The following DST variants were observed in gnomAD, a reference collection of about 807,000 sequenced individuals.
DST encodes the protein dystonin.
Under a neutral mutation model 875.2 loss-of-function variants are expected in DST, and 253 were observed. That is an observed-to-expected ratio of 0.29 (90% confidence interval 0.26 to 0.32). The LOEUF (loss-of-function observed/expected upper bound fraction) is 0.32. Ranked by LOEUF, DST falls within the 10% of genes least tolerant of loss-of-function variation. The pLI is 1.00. For synonymous variants in DST, 3,124 were observed against 3,197.1 expected, an observed-to-expected ratio of 0.98 and a Z score of 0.77; for missense variants, 8,287 against 9,111.6, an observed-to-expected ratio of 0.91 and a Z score of 3.68.
At position 56,634,841 on chromosome 6, in the gene DST, G is replaced by C; in HGVS notation, c.3299C>G (p.Ser1100Cys). ...PRNSDCPLKT[S>C]IPIKAICDYR... ...GTCACAGATAGCTTTGATCGGAATA[G>C]AAGTTTTGAGTGGACAGTCAGAATT... Residue 1100 changes from serine (S) to cysteine (C), a missense_variant, in exon 25 of 104, where the codon TCT becomes TGT. Ser to Cys is a moderately radical substitution (Grantham distance 112, BLOSUM62 -1). Transcript: ENST00000680361. The C allele has an allele frequency of 6.2e-7, 1 of 1,614,046 alleles. No individual in the cohort carries two copies. Among genetic ancestry groups the C allele is most frequent in the Non-Finnish European group, 8.5e-7 (1 of 1,179,988 alleles).
chr6:56,881,906 C>G (rs954832433), intron 3 of DST, among the ~76,000 whole-genome samples: 91 of 152,114 alleles, frequency 6.0e-4, no homozygotes, highest in Non-Finnish European at 5.1e-4. Flanking sequence ...AAGCACCAAA[C>G]AAAGGGAGAG....
chr6:56,614,861 A>G (rs2152726519), intron 36 of DST: 1 of 993,756 alleles, frequency 1.0e-6, no homozygotes, highest in East Asian at 1.1e-4. Flanking sequence ...GGCTGATAGA[A>G]TAGAGAACGT....
intron 36 of DST, among the ~76,000 whole-genome samples, chr6:56,622,854 T>C (rs576563116): frequency 2.5e-4 from 38 of 152,208 alleles, no homozygotes; most frequent in African/African-American, 8.9e-4. Flanking sequence ...ACATTTCTTT[T>C]AACTAAATCA....
At chr6:56,517,763 A>G in intron 69 of DST, 143 bp from the exon 70 acceptor site, 1 of 977,898 alleles carries the variant, frequency 1.0e-6, no homozygotes, top group Admixed American at 3.3e-5. Flanking sequence ...ATAATTCGTG[A>G]TAATGACTAA....
chr6:56,516,048 A>C (rs1237550994), intron 71 of DST, among the ~76,000 whole-genome samples: 1 of 152,060 alleles, frequency 6.6e-6, no homozygotes, highest in Admixed American at 6.6e-5. Context: ...AACAAAATTT[A>C]ATTATATATA....
chr6:56,591,471 CA>C, intron 49 of DST, among the ~76,000 whole-genome samples: 1 of 152,188 alleles, frequency 6.6e-6, no homozygotes, highest in Non-Finnish European at 1.5e-5. Flanking sequence ...AACTTTGGGC[CA>C]GGTAATATTC....
At chr6:56,668,153 T>A (rs1028335067) in intron 10 of DST, among the ~76,000 whole-genome samples, 9 of 152,172 alleles carry the variant, frequency 5.9e-5, no homozygotes, top group Non-Finnish European at 1.2e-4. Flanking sequence ...GGTATCACAA[T>A]TGAAATATTT....
chr6:56,645,909 C>T lies in DST; in HGVS notation c.1735G>A (p.Ala579Thr). 1.2e-6 allele frequency: 2 copies of T among 1,613,812 alleles called. No individual in the cohort carries two copies. The highest frequency in any genetic ancestry group is 1.7e-6 in the Non-Finnish European group (2 of 1,179,772). The change falls in exon 15 of 104, where the codon GCC becomes ACC. Residue 579 changes from alanine to threonine, a missense_variant. Physicochemically the swap from Ala to Thr is moderately conservative, Grantham distance 58. Around this residue, in one of 10 missense-constraint regions of DST, gnomAD observed 1,160 missense variants for 1,424.3 expected, o/e 0.81. Transcript: ENST00000680361. ...IEKEWGKLII[A>T]MLEREKALRP... ...AGGGCCTTCTCTCTCTCTAGCATGG[C>T]AATAATGAGTTTCCCCCACTCTTTT...
chr6:56,642,903 T>G, intron 15 of DST: 1 of 1,564,310 alleles, frequency 6.4e-7, no homozygotes, highest in Non-Finnish European at 8.6e-7. Flanking sequence ...TATTACAGCT[T>G]TTAGTGGCTC....
chr6:56,545,204 C>G (rs375255733), intron 61 of DST, among the ~76,000 whole-genome samples: 12 of 151,876 alleles, frequency 7.9e-5, no homozygotes, highest in Admixed American at 3.9e-4. Context: ...GGGTCTCACT[C>G]TGTTGCCCAG....
At position 56,893,588 on chromosome 6, in the gene DST, ATTTTT is replaced by A. The variant is rs1788963958; in HGVS notation, c.417+6828_417+6832del. ...TTTTTTTTTTTTTTTTTTTTTTTTT[ATTTTT>A]TTTTATTTTTTATTTTTTATTTTTA... On this transcript the variant is annotated intron_variant, in intron 3 of 103. Coordinates refer to ENST00000680361, the MANE Select transcript of DST (RefSeq NM_001374736.1). Among the ~76,000 whole-genome samples the A allele has an allele frequency of 8.7e-3, 566 of 65,120 alleles. 8 individuals are homozygous for A. Among genetic ancestry groups the A allele is most frequent in the African/African-American group, 0.047 (525 of 11,146 alleles). The allele number at this position is 65,120 out of a possible 152,430, so 42.7% of individuals were successfully genotyped here. A position where few individuals can be genotyped will look rare whatever the true frequency, so the allele number is the denominator to read the frequency against.
chr6:56,633,124 C>T (rs1167393079), intron 27 of DST, 87 bp from the exon 28 acceptor site: 9 of 992,784 alleles, frequency 9.1e-6, no homozygotes, highest in Non-Finnish European at 1.4e-5. Flanking sequence ...GTGGTATATG[C>T]CAATCTAAAC....
chr6:56,843,436 G>A (rs2099802942), intron 4 of DST: 1 of 1,038,652 alleles, frequency 9.6e-7, no homozygotes, highest in Non-Finnish European at 1.2e-6. Context: ...GCGAGCCCAG[G>A]GGCGGCGACG....
chr6:56,843,086 C>T (rs1489127523), intron 4 of DST: 1 of 1,565,102 alleles, frequency 6.4e-7, no homozygotes, highest in East Asian at 2.3e-5. Context: ...CCTCGTAGGC[C>T]TGGAGATACT....
At chr6:56,829,258 T>C (rs1413200589) in intron 4 of DST, among the ~76,000 whole-genome samples, 1 of 152,036 alleles carries the variant, frequency 6.6e-6, no homozygotes, top group African/African-American at 2.4e-5. Context: ...AGTGACAAAA[T>C]AGGTAACTTT....
chr6:56,790,517 G>A (rs1035260897), intron 4 of DST, among the ~76,000 whole-genome samples: 1 of 152,078 alleles, frequency 6.6e-6, no homozygotes, highest in Non-Finnish European at 1.5e-5. Context: ...ATGTACTTTG[G>A]ATACTTACTT....
intron 4 of DST, among the ~76,000 whole-genome samples, chr6:56,743,985 T>C (rs35876418): frequency 0.12 from 17,763 of 151,714 alleles, 1,423 homozygotes; most frequent in Middle Eastern, 0.19. Context: ...CCATCTCTAC[T>C]AAAAATACAA....
At chr6:56,829,657 T>C (rs530430891) in intron 4 of DST, among the ~76,000 whole-genome samples, 3 of 152,262 alleles carry the variant, frequency 2.0e-5, no homozygotes, top group Admixed American at 6.5e-5. Flanking sequence ...GAAAATGATG[T>C]CAAAAGTAAC....
At chr6:56,689,941 A>G (rs1205130281) in intron 9 of DST, among the ~76,000 whole-genome samples, 1 of 152,208 alleles carries the variant, frequency 6.6e-6, no homozygotes, top group Non-Finnish European at 1.5e-5. Context: ...CACAAGGTAC[A>G]AGGTGAGTCT....
Sources: allele counts gnomAD v4.1 joint callset (sites outside exome capture counted in the v4.1 genomes callset), GRCh38; gene constraint gnomAD v4.1.1; regional missense constraint gnomAD v4.1.1; transcripts MANE v1.5; gene names NCBI Gene and HGNC (gene_info 2026-07-23, HGNC 2026-07-21).